Variants in MAGI2 observed in about 807,000 individuals in gnomAD.
The protein encoded by MAGI2 is membrane associated guanylate kinase, WW and PDZ domain containing 2.
In MAGI2, 35 loss-of-function variants were observed where a neutral mutation model predicts 133.3. The ratio of observed to expected loss-of-function variants is 0.26; its 90% CI spans 0.20 to 0.35. The LOEUF (loss-of-function observed/expected upper bound fraction) is 0.35, where lower values mean the gene tolerates loss of function less well. Ranked by LOEUF, MAGI2 falls within the 10% of genes least tolerant of loss-of-function variation. MAGI2 has a pLI of 1.00. For missense variants in MAGI2, 1,636 were observed against 1,863.4 expected (o/e 0.88, Z 2.25); for synonymous variants, 729 against 710.6 (o/e 1.03, Z -0.41).
Position 79,157,886 on chromosome 7 carries a change from T to G in MAGI2, c.302-150680A>C, listed in dbSNP as rs558182071. On this transcript the variant is annotated intron_variant, in intron 1 of 21. Coordinates refer to ENST00000354212, the MANE Select transcript of MAGI2 (RefSeq NM_012301.4). ...TTTTTTTTTTTGCAAGCTAGTTAAT[T>G]TGTATTTATGTCATGGCTAAAGTTC... is the stretch of plus-strand genomic sequence containing the variant. Among the ~76,000 whole-genome samples the G allele has an allele frequency of 2.7e-5, 4 of 150,574 alleles. No homozygotes were observed. The South Asian group carries it at 8.5e-4, about 32-fold the overall frequency.
At chr7:78,268,428 C>G (rs1046425564) in intron 9 of MAGI2, among the ~76,000 whole-genome samples, 3 of 152,218 alleles carry the variant, frequency 2.0e-5, no homozygotes, top group Non-Finnish European at 4.4e-5. Flanking sequence ...AGAACAATAA[C>G]CGTATGCCAA....
intron 2 of MAGI2, among the ~76,000 whole-genome samples, chr7:78,873,334 G>C (rs768463094): frequency 1.3e-5 from 2 of 152,104 alleles, no homozygotes; most frequent in African/African-American, 2.4e-5. Context: ...GGTGAGCTGC[G>C]GGTGAGATTC....
At chr7:78,037,814 G>A (rs1810387630) in intron 21 of MAGI2, among the ~76,000 whole-genome samples, 1 of 152,226 alleles carries the variant, frequency 6.6e-6, no homozygotes, top group African/African-American at 2.4e-5. Context: ...AGATCTCAGA[G>A]CTGAGGGGAG....
intron 9 of MAGI2, among the ~76,000 whole-genome samples, chr7:78,274,854 A>G (rs1368849173): frequency 6.6e-6 from 1 of 152,176 alleles, no homozygotes; most frequent in Non-Finnish European, 1.5e-5. Context: ...ATTTCAAGCC[A>G]GTGGATCTTA....
At chr7:78,956,276 T>C (rs1297482818) in intron 2 of MAGI2, among the ~76,000 whole-genome samples, 1 of 152,156 alleles carries the variant, frequency 6.6e-6, no homozygotes, top group Admixed American at 6.6e-5. Flanking sequence ...ATTTGCATTA[T>C]GTTAATAAAT....
At chr7:78,319,823 T>C (rs1398211114) in intron 9 of MAGI2, among the ~76,000 whole-genome samples, 4 of 151,872 alleles carry the variant, frequency 2.6e-5, no homozygotes, top group Non-Finnish European at 5.9e-5. Context: ...CCTTCAAAAA[T>C]ATCAGTGAAT....
chr7:78,976,606 A>C (rs7801822), intron 2 of MAGI2, among the ~76,000 whole-genome samples: 6,855 of 151,392 alleles, frequency 0.045, 463 homozygotes, highest in African/African-American at 0.15. Flanking sequence ...TATCTAGTGA[A>C]AAGATGAGAA....
chr7:78,682,444 A>T (rs1419466745), intron 2 of MAGI2, among the ~76,000 whole-genome samples: 1 of 151,588 alleles, frequency 6.6e-6, no homozygotes, highest in Admixed American at 6.6e-5. Context: ...TCATTGTTCA[A>T]CTCCCACTTA....
chr7:78,344,856 T>C (rs1183531722), intron 8 of MAGI2, among the ~76,000 whole-genome samples: 1 of 152,214 alleles, frequency 6.6e-6, no homozygotes, highest in Non-Finnish European at 1.5e-5. Context: ...TTCCTAAGTA[T>C]AGTAAGTGTT....
At chr7:79,362,773 G>C (rs1421513597) in intron 1 of MAGI2, among the ~76,000 whole-genome samples, 1 of 151,898 alleles carries the variant, frequency 6.6e-6, no homozygotes, top group African/African-American at 2.4e-5. Flanking sequence ...GGAATAGAGG[G>C]GAATTAGGAA....
intron 1 of MAGI2, among the ~76,000 whole-genome samples, chr7:79,200,735 G>T (rs1828541225): frequency 6.6e-6 from 1 of 151,818 alleles, no homozygotes; most frequent in Non-Finnish European, 1.5e-5. Flanking sequence ...GAGTTAAAAA[G>T]CCAATTGGTA....
chr7:78,429,572 G>T (rs1799599109), intron 6 of MAGI2, among the ~76,000 whole-genome samples: 1 of 151,984 alleles, frequency 6.6e-6, no homozygotes, highest in South Asian at 2.1e-4. Context: ...TAAAAAGATA[G>T]AATAAATATG....
intron 12 of MAGI2, among the ~76,000 whole-genome samples, chr7:78,190,249 C>T (rs1828076221): frequency 6.6e-6 from 1 of 152,128 alleles, no homozygotes; most frequent in Non-Finnish European, 1.5e-5. Context: ...GGGAGTTTGG[C>T]TACTAACACA....
intron 6 of MAGI2, among the ~76,000 whole-genome samples, chr7:78,477,606 C>A (rs964702026): frequency 6.6e-6 from 1 of 151,728 alleles, no homozygotes; most frequent in African/African-American, 2.4e-5. Context: ...AGGGGAACTC[C>A]CATTTATAAA....
intron 2 of MAGI2, among the ~76,000 whole-genome samples, chr7:78,891,700 A>T (rs1326104541): frequency 6.6e-6 from 1 of 152,242 alleles, no homozygotes; most frequent in Non-Finnish European, 1.5e-5. Flanking sequence ...AAAATCTCTC[A>T]ATAAATTAGG....
chr7:79,199,970 T>TA (rs1032848586), intron 1 of MAGI2, among the ~76,000 whole-genome samples: 2 of 151,934 alleles, frequency 1.3e-5, no homozygotes, highest in African/African-American at 4.8e-5. Flanking sequence ...CACTAATTCT[T>TA]AGACTACACA....
At chr7:78,154,208 C>T (rs1286064780) in intron 16 of MAGI2, among the ~76,000 whole-genome samples, 1 of 152,226 alleles carries the variant, frequency 6.6e-6, no homozygotes, top group Non-Finnish European at 1.5e-5. Flanking sequence ...TCATCAAGGA[C>T]TTCGAGAAAC....
intron 1 of MAGI2, among the ~76,000 whole-genome samples, chr7:79,356,803 C>A (rs960796650): frequency 6.6e-6 from 1 of 152,124 alleles, no homozygotes; most frequent in African/African-American, 2.4e-5. Flanking sequence ...GGACTAAATA[C>A]TAGACACATC....
chr7:79,317,465 T>C (rs1380183609), intron 1 of MAGI2, among the ~76,000 whole-genome samples: 2 of 151,944 alleles, frequency 1.3e-5, no homozygotes, highest in African/African-American at 4.8e-5. Flanking sequence ...CAAAGGTGCA[T>C]TTCGTAAAAA....
Sources: allele counts gnomAD v4.1 joint callset (sites outside exome capture counted in the v4.1 genomes callset), GRCh38; gene constraint gnomAD v4.1.1; transcripts MANE v1.5; gene names NCBI Gene and HGNC (gene_info 2026-07-23, HGNC 2026-07-21).